Variants in MAML2 observed in about 807,000 individuals in gnomAD.
MAML2 encodes the protein mastermind like transcriptional coactivator 2.
A neutral mutation model predicts 96.1 loss-of-function variants in MAML2; 22 were observed. The ratio of observed to expected loss-of-function variants is 0.23; its 90% CI spans 0.16 to 0.33. MAML2 has a LOEUF of 0.33. Among genes scored for constraint, MAML2 ranks in the 10% least tolerant of loss-of-function variants. The pLI, the probability that MAML2 is intolerant of heterozygous loss-of-function variation, is 1.00. For synonymous variants in MAML2, 561 were observed against 521.3 expected (o/e 1.08, Z -1.04); for missense variants, 1,367 against 1,392.4 (o/e 0.98, Z 0.29).
At chr11:96,042,419 C>A (rs575706235) in intron 2 of MAML2, among the ~76,000 whole-genome samples, 4 of 152,198 alleles carry the variant, frequency 2.6e-5, no homozygotes, top group Non-Finnish European at 4.4e-5. Context: ...GTGTGCCCAG[C>A]TGCCTTCTCT....
intron 2 of MAML2, among the ~76,000 whole-genome samples, chr11:96,005,786 A>G (rs1858170497): frequency 6.6e-6 from 1 of 152,196 alleles, no homozygotes. Flanking sequence ...AAAGATTCAT[A>G]TTTTTCCCTA....
At chr11:96,196,540 G>C (rs1181037726) in intron 1 of MAML2, among the ~76,000 whole-genome samples, 2 of 152,208 alleles carry the variant, frequency 1.3e-5, no homozygotes, top group East Asian at 1.9e-4. Context: ...ATGCAAAGCT[G>C]TGTGTCTTGC....
intron 2 of MAML2, among the ~76,000 whole-genome samples, chr11:96,024,977 G>C (rs1451803397): frequency 1.3e-5 from 2 of 152,140 alleles, no homozygotes; most frequent in Non-Finnish European, 2.9e-5. Context: ...CAGCCACTAC[G>C]GAAAGCAGTT....
intron 1 of MAML2, among the ~76,000 whole-genome samples, chr11:96,284,056 T>A (rs1863107325): frequency 6.6e-6 from 1 of 152,202 alleles, no homozygotes; most frequent in Non-Finnish European, 1.5e-5. Flanking sequence ...CTTACATCTT[T>A]CTGCTGCATT....
At chr11:95,991,781 G>C (rs755282273) in intron 2 of MAML2, 58 bp from the exon 3 acceptor site, 75 of 1,340,478 alleles carry the variant, frequency 5.6e-5, no homozygotes, top group Non-Finnish European at 6.7e-5. Context: ...GAAAAATGTA[G>C]CACAAAGATC....
At chr11:96,333,322 G>A (rs955770698) in intron 1 of MAML2, among the ~76,000 whole-genome samples, 3 of 151,486 alleles carry the variant, frequency 2.0e-5, no homozygotes, top group Admixed American at 1.3e-4. Flanking sequence ...AGAAAGGGGA[G>A]GAATCTAAGG....
At chr11:96,007,165 G>A (rs1379027027) in intron 2 of MAML2, among the ~76,000 whole-genome samples, 1 of 140,362 alleles carries the variant, frequency 7.1e-6, no homozygotes, top group Non-Finnish European at 1.5e-5. Context: ...ACCATGTCCA[G>A]TTAATTTTTT....
At chr11:96,268,711 G>A (rs756178620) in intron 1 of MAML2, among the ~76,000 whole-genome samples, 35 of 152,108 alleles carry the variant, frequency 2.3e-4, no homozygotes, top group Non-Finnish European at 3.1e-4. Context: ...TGCTGTTCTC[G>A]TGATAGTTAA....
At chr11:96,243,655 CT>C (rs11394033) in intron 1 of MAML2, among the ~76,000 whole-genome samples, 174 of 135,662 alleles carry the variant, frequency 1.3e-3, no homozygotes, top group African/African-American at 2.7e-3. Flanking sequence ...CCTTCTTTTT[CT>C]TTTTTTTTTT....
intron 1 of MAML2, among the ~76,000 whole-genome samples, chr11:96,239,220 G>C (rs1056495396): frequency 4.6e-5 from 7 of 152,224 alleles, no homozygotes; most frequent in African/African-American, 1.7e-4. Flanking sequence ...TATAGTGTTA[G>C]GTTTGAATGA....
At chr11:96,022,304 A>G (rs1208861133) in intron 2 of MAML2, among the ~76,000 whole-genome samples, 1 of 152,194 alleles carries the variant, frequency 6.6e-6, no homozygotes, top group Non-Finnish European at 1.5e-5. Flanking sequence ...TGCCTGTCCT[A>G]TAATCAGGAA....
chr11:96,095,778 A>G (rs1414154184), intron 1 of MAML2, among the ~76,000 whole-genome samples: 1 of 152,228 alleles, frequency 6.6e-6, no homozygotes, highest in Admixed American at 6.5e-5. Flanking sequence ...ACTTTCAACA[A>G]AGAGTTCTAA....
chr11:96,180,592 TG>T (rs1861468417), intron 1 of MAML2, among the ~76,000 whole-genome samples: 1 of 152,170 alleles, frequency 6.6e-6, no homozygotes, highest in African/African-American at 2.4e-5. Flanking sequence ...TCCCTTGGTC[TG>T]TAAGCTGCTC....
intron 1 of MAML2, among the ~76,000 whole-genome samples, chr11:96,286,316 T>G (rs522475): frequency 0.71 from 107,179 of 151,980 alleles, 37,912 homozygotes; most frequent in East Asian, 0.83. Flanking sequence ...ACAGAGTCAG[T>G]CCTGTCGGAG....
At chr11:96,013,747 G>A (rs1380718555) in intron 2 of MAML2, among the ~76,000 whole-genome samples, 1 of 152,198 alleles carries the variant, frequency 6.6e-6, no homozygotes, top group African/African-American at 2.4e-5. Flanking sequence ...AGGAGAGCCA[G>A]GGCCACCGAG....
intron 1 of MAML2, among the ~76,000 whole-genome samples, chr11:96,295,681 A>AACACACACACACAC (rs71745057): frequency 6.8e-6 from 1 of 147,122 alleles, no homozygotes; most frequent in African/African-American, 2.5e-5. Context: ...CTGCTGCTGT[A>AACACACACACACAC]ACACACACAC....
At chr11:96,061,727 T>C (rs980949451) in intron 2 of MAML2, among the ~76,000 whole-genome samples, 1 of 152,174 alleles carries the variant, frequency 6.6e-6, no homozygotes, top group Non-Finnish European at 1.5e-5. Context: ...AGATAAGAAA[T>C]TTCCATTTCA....
chr11:96,151,128 G>T (rs1438361626), intron 1 of MAML2, among the ~76,000 whole-genome samples: 2 of 152,040 alleles, frequency 1.3e-5, no homozygotes, highest in Admixed American at 1.3e-4. Flanking sequence ...AAACTCCCTC[G>T]TCTAATTTTC....
intron 1 of MAML2, among the ~76,000 whole-genome samples, chr11:96,323,987 C>T (rs1205227869): frequency 6.6e-6 from 1 of 152,242 alleles, no homozygotes; most frequent in African/African-American, 2.4e-5. Flanking sequence ...TCTGTGGCCC[C>T]TAGACATTCA....
Sources: gnomAD v4.1 joint callset for allele counts (sites outside exome capture counted in the v4.1 genomes callset) on GRCh38, gnomAD v4.1.1 for gene constraint, MANE v1.5 for transcripts, NCBI Gene and HGNC (gene_info 2026-07-23, HGNC 2026-07-21) for gene names.